The following SERGEF variants were observed in gnomAD, a reference collection of about 807,000 sequenced individuals.
The protein encoded by SERGEF is secretion regulating guanine nucleotide exchange factor, also known as secretion-regulating guanine nucleotide exchange factor.
In SERGEF, 51 loss-of-function variants were observed where a neutral mutation model predicts 50.0. The ratio of observed to expected loss-of-function variants is 1.02; its 90% CI spans 0.81 to 1.29. The LOEUF (loss-of-function observed/expected upper bound fraction) is 1.29. Ranked by LOEUF, SERGEF falls within the 50% of genes most tolerant of loss-of-function variation. SERGEF has a pLI of 0.00. For synonymous variants in SERGEF, 205 were observed against 212.4 expected (o/e 0.97, Z 0.30); for missense variants, 521 against 557.0 (o/e 0.94, Z 0.65).
At chr11:17,944,406 T>C (rs755855650) in intron 9 of SERGEF, among the ~76,000 whole-genome samples, 1 of 152,246 alleles carries the variant, frequency 6.6e-6, no homozygotes, top group African/African-American at 2.4e-5. Flanking sequence ...TAATTTAGGT[T>C]CTACCAATTG....
intron 10 of SERGEF, chr11:17,853,657 G>C (rs1438264132): frequency 6.6e-6 from 1 of 152,088 alleles, no homozygotes; most frequent in Non-Finnish European, 1.5e-5. Context: ...ATAGCTTCTT[G>C]GAATCTGGAA....
At chr11:17,827,946 G>A (rs1437156411) in intron 10 of SERGEF, among the ~76,000 whole-genome samples, 1 of 152,198 alleles carries the variant, frequency 6.6e-6, no homozygotes, top group African/African-American at 2.4e-5. Context: ...GCAGCACTAA[G>A]TTCTTCAAGA....
At chr11:17,891,354 T>C (rs117311564) in intron 9 of SERGEF, among the ~76,000 whole-genome samples, 1,970 of 152,266 alleles carry the variant, frequency 0.013, 25 homozygotes, top group South Asian at 0.031. Context: ...TCTCAAAAAA[T>C]AGGATCCTGG....
chr11:17,950,903 A>C (rs1281906999), intron 9 of SERGEF, among the ~76,000 whole-genome samples: 1 of 152,228 alleles, frequency 6.6e-6, no homozygotes, highest in East Asian at 1.9e-4. Context: ...CATGGTAGTA[A>C]CATATGAGGT....
chr11:17,834,580 T>C (rs1850369538), intron 10 of SERGEF, among the ~76,000 whole-genome samples: 1 of 152,198 alleles, frequency 6.6e-6, no homozygotes, highest in East Asian at 1.9e-4. Context: ...CCCTGGAACA[T>C]CTGAGGAGGA....
chr11:17,832,909 A>G (rs747746194), intron 10 of SERGEF, among the ~76,000 whole-genome samples: 32 of 152,226 alleles, frequency 2.1e-4, no homozygotes, highest in Non-Finnish European at 3.7e-4. Flanking sequence ...GTGTTGTTAA[A>G]ATCATTCAGC....
intron 9 of SERGEF, among the ~76,000 whole-genome samples, chr11:17,934,552 A>T (rs563744049): frequency 6.6e-6 from 1 of 152,290 alleles, no homozygotes; most frequent in South Asian, 2.1e-4. Context: ...AACTTCAACA[A>T]TAGTCCACTT....
At chr11:17,945,592 C>T (rs2133959536) in intron 9 of SERGEF, among the ~76,000 whole-genome samples, 2 of 152,288 alleles carry the variant, frequency 1.3e-5, no homozygotes, top group Middle Eastern at 6.8e-3. Flanking sequence ...CTGATCCATA[C>T]AATTTTATAC....
intron 5 of SERGEF, 43 bp from the exon 6 acceptor site, chr11:17,995,952 A>T: frequency 7.2e-7 from 1 of 1,379,698 alleles, no homozygotes; most frequent in Non-Finnish European, 1.0e-6. Flanking sequence ...GATGCACATC[A>T]GGATAAGACT....
intron 8 of SERGEF, among the ~76,000 whole-genome samples, chr11:17,964,599 A>G (rs1853080055): frequency 6.6e-6 from 1 of 152,226 alleles, no homozygotes; most frequent in African/African-American, 2.4e-5. Flanking sequence ...AAGAAAATCC[A>G]TGGGTAAGAC....
intron 8 of SERGEF, among the ~76,000 whole-genome samples, chr11:17,973,228 G>C (rs1317990924): frequency 1.3e-5 from 2 of 152,120 alleles, no homozygotes; most frequent in Non-Finnish European, 2.9e-5. Context: ...CTTGGCCATG[G>C]GAACACAGCT....
At chr11:17,813,136 T>C (rs1849904745) in intron 10 of SERGEF, among the ~76,000 whole-genome samples, 1 of 152,226 alleles carries the variant, frequency 6.6e-6, no homozygotes, top group African/African-American at 2.4e-5. Flanking sequence ...TTTAATCTCT[T>C]TGAACCTTAG....
intron 10 of SERGEF, among the ~76,000 whole-genome samples, chr11:17,861,154 G>A (rs1432985746): frequency 1.3e-5 from 2 of 152,180 alleles, no homozygotes; most frequent in African/African-American, 2.4e-5. Flanking sequence ...CAAGAGAGAT[G>A]ACAAAGAGGG....
At chr11:17,830,628 GA>G (rs1850281828) in intron 10 of SERGEF, among the ~76,000 whole-genome samples, 1 of 114,012 alleles carries the variant, frequency 8.8e-6, no homozygotes, top group African/African-American at 3.5e-5. Context: ...GAGAGAGAGG[GA>G]AAGGGGGAGG....
intron 9 of SERGEF, among the ~76,000 whole-genome samples, chr11:17,900,244 C>T (rs1294199968): frequency 2.0e-5 from 3 of 152,156 alleles, no homozygotes; most frequent in Non-Finnish European, 2.9e-5. Flanking sequence ...TAACTCTAAG[C>T]GTCTCAGTTT....
chr11:17,890,546 A>G (rs1851513611), intron 9 of SERGEF, among the ~76,000 whole-genome samples: 1 of 151,970 alleles, frequency 6.6e-6, no homozygotes, highest in Non-Finnish European at 1.5e-5. Flanking sequence ...GTGAGCAGCA[A>G]TCTCCAATGA....
intron 10 of SERGEF, among the ~76,000 whole-genome samples, chr11:17,828,048 G>T (rs1850231780): frequency 6.6e-6 from 1 of 152,088 alleles, no homozygotes; most frequent in Non-Finnish European, 1.5e-5. Flanking sequence ...TGCATGGATG[G>T]TGTTACCTGC....
intron 1 of SERGEF, among the ~76,000 whole-genome samples, chr11:18,011,169 C>A (rs1419209938): frequency 2.0e-5 from 3 of 151,984 alleles, no homozygotes; most frequent in African/African-American, 7.3e-5. Flanking sequence ...CACACACACC[C>A]CTAACAAGGT....
chr11:17,911,779 T>C (rs2133930709), intron 9 of SERGEF, among the ~76,000 whole-genome samples: 1 of 152,226 alleles, frequency 6.6e-6, no homozygotes, highest in African/African-American at 2.4e-5. Context: ...TTATCTACCA[T>C]GCCCATCCTA....
Sources: gnomAD v4.1 joint callset for allele counts (sites outside exome capture counted in the v4.1 genomes callset) on GRCh38, gnomAD v4.1.1 for gene constraint, MANE v1.5 for transcripts, NCBI Gene and HGNC (gene_info 2026-07-23, HGNC 2026-07-21) for gene names.